The following THSD7B variants were observed in gnomAD, a reference collection of about 807,000 sequenced individuals.
THSD7B encodes thrombospondin type 1 domain containing 7B, also known as thrombospondin type-1 domain-containing protein 7B.
Under a neutral mutation model 213.6 loss-of-function variants are expected in THSD7B, and 138 were observed. That is an observed-to-expected ratio of 0.65 (90% CI 0.56 to 0.74). The LOEUF (loss-of-function observed/expected upper bound fraction) is 0.74. Among genes scored for constraint, THSD7B ranks in the 30% least tolerant of loss-of-function variants. The probability of loss-of-function intolerance (pLI) is 0.00; values close to 1 mark genes in which losing one functional copy is unlikely to be tolerated. For synonymous variants in THSD7B, 742 were observed against 687.0 expected, an observed-to-expected ratio of 1.08 and a Z score of -1.25; for missense variants, 1,931 against 1,991.5, an observed-to-expected ratio of 0.97 and a Z score of 0.58.
intron 15 of THSD7B, among the ~76,000 whole-genome samples, chr2:137,476,846 A>AT (rs1303658190): frequency 6.6e-6 from 1 of 152,122 alleles, no homozygotes; most frequent in Non-Finnish European, 1.5e-5. Context: ...AGCCATGATT[A>AT]TTACTTTTAT....
intron 27 of THSD7B, among the ~76,000 whole-genome samples, chr2:137,674,457 C>T (rs1206021436): frequency 6.6e-6 from 1 of 152,130 alleles, no homozygotes; most frequent in Non-Finnish European, 1.5e-5. Context: ...TTCAGATTGC[C>T]TCACCCTCTG....
chr2:136,964,509 C>A (rs533037290), intron 2 of THSD7B, among the ~76,000 whole-genome samples: 2 of 152,174 alleles, frequency 1.3e-5, no homozygotes, highest in African/African-American at 2.4e-5. Context: ...CAGAATTTGT[C>A]CCCCTTGACT....
chr2:137,616,964 T>C (rs767593031), intron 18 of THSD7B, among the ~76,000 whole-genome samples: 8 of 152,190 alleles, frequency 5.3e-5, no homozygotes, highest in Admixed American at 1.3e-4. Context: ...AGTCACAGCA[T>C]TGAATTCAAT....
chr2:136,806,937 T>A (rs369659404), intron 1 of THSD7B, among the ~76,000 whole-genome samples: 1 of 152,202 alleles, frequency 6.6e-6, no homozygotes, highest in Non-Finnish European at 1.5e-5. Context: ...TGCTCTTTAT[T>A]TGGGCTTTAC....
intron 12 of THSD7B, among the ~76,000 whole-genome samples, chr2:137,339,783 C>T (rs1293130403): frequency 6.6e-6 from 1 of 151,454 alleles, no homozygotes. Context: ...TTTCCCATTT[C>T]TGCCTGAACC....
chr2:137,004,348 A>ACACAC (rs1558883738), intron 2 of THSD7B, among the ~76,000 whole-genome samples: 3 of 105,826 alleles, frequency 2.8e-5, no homozygotes, highest in African/African-American at 6.9e-5. Context: ...CACACACACA[A>ACACAC]ACTTATTCCA....
chr2:137,167,702 C>A (rs1481697332), intron 6 of THSD7B, among the ~76,000 whole-genome samples: 3 of 152,092 alleles, frequency 2.0e-5, no homozygotes, highest in Non-Finnish European at 4.4e-5. Context: ...AATATTAATT[C>A]TTGGAGTCAT....
intron 4 of THSD7B, among the ~76,000 whole-genome samples, chr2:137,107,054 G>A (rs750270316): frequency 6.6e-6 from 1 of 152,194 alleles, no homozygotes; most frequent in Admixed American, 6.5e-5. Context: ...TATACCCTAA[G>A]GATTATAAAT....
intron 8 of THSD7B, 130 bp from the exon 9 acceptor site, chr2:137,232,769 C>T (rs1400005563): frequency 2.6e-6 from 2 of 768,088 alleles, no homozygotes; most frequent in Non-Finnish European, 4.2e-6. Flanking sequence ...CTGAGAAGAA[C>T]AGTGCAGTGG....
rs1876244 is a variant in THSD7B at position 136,917,392 on chromosome 2, C to G, written c.139+35075C>G. Among the ~76,000 whole-genome samples, 1,228 of 152,270 alleles carry G rather than the reference C, an allele frequency of 8.1e-3. 20 individuals are homozygous for G. The highest frequency in any genetic ancestry group is 0.028 in the African/African-American group (1,173 of 41,548). ...TTTAGCAGGAATGGATGGGGCTGAT[C>G]GTTGCATGGTTTAGTCTGCGGACTC... On this transcript the variant is annotated intron_variant, in intron 2 of 27. Coordinates refer to ENST00000409968, the MANE Select transcript of THSD7B (RefSeq NM_001316349.2).
At chr2:136,902,571 C>T (rs2115840) in intron 2 of THSD7B, among the ~76,000 whole-genome samples, 16,403 of 152,206 alleles carry the variant, frequency 0.11, 1,086 homozygotes, top group Middle Eastern at 0.17. Context: ...CTTCCACATG[C>T]GCCGAGGATA....
chr2:137,275,370 A>G (rs1682845902), intron 11 of THSD7B, among the ~76,000 whole-genome samples: 1 of 152,012 alleles, frequency 6.6e-6, no homozygotes, highest in African/African-American at 2.4e-5. Flanking sequence ...ACCTTATAAA[A>G]ATTTGAAGCA....
At chr2:137,003,280 G>A (rs909354438) in intron 2 of THSD7B, among the ~76,000 whole-genome samples, 10 of 152,154 alleles carry the variant, frequency 6.6e-5, no homozygotes, top group African/African-American at 2.4e-4. Context: ...AATCTTGAAA[G>A]GAGTTTAAAA....
intron 12 of THSD7B, among the ~76,000 whole-genome samples, chr2:137,306,545 T>G (rs978199873): frequency 2.0e-5 from 3 of 152,162 alleles, no homozygotes; most frequent in Admixed American, 2.0e-4. Flanking sequence ...CGTCATTTAT[T>G]GTGATAAGAT....
At chr2:136,974,821 G>T (rs970231055) in intron 2 of THSD7B, among the ~76,000 whole-genome samples, 2 of 152,140 alleles carry the variant, frequency 1.3e-5, no homozygotes, top group African/African-American at 4.8e-5. Context: ...CACCAACAGT[G>T]TAAAAGCGTT....
intron 12 of THSD7B, among the ~76,000 whole-genome samples, chr2:137,401,316 G>T (rs1044222897): frequency 6.6e-6 from 1 of 152,058 alleles, no homozygotes; most frequent in Non-Finnish European, 1.5e-5. Context: ...AATTTCCTTT[G>T]TGTGTTTGTT....
chr2:137,563,602 C>T (rs1220382962), intron 16 of THSD7B, among the ~76,000 whole-genome samples: 1 of 152,152 alleles, frequency 6.6e-6, no homozygotes, highest in Non-Finnish European at 1.5e-5. Context: ...CGAGAACCAC[C>T]TGCAATGGAG....
chr2:137,624,673 C>G (rs549588503), intron 20 of THSD7B, among the ~76,000 whole-genome samples: 83 of 152,296 alleles, frequency 5.4e-4, no homozygotes, highest in Non-Finnish European at 9.6e-4. Context: ...AGGATATGAA[C>G]AGACACTTCT....
At chr2:137,584,259 A>C (rs1046387724) in intron 17 of THSD7B, among the ~76,000 whole-genome samples, 6 of 152,224 alleles carry the variant, frequency 3.9e-5, no homozygotes, top group African/African-American at 1.4e-4. Context: ...TAGGTTTTCT[A>C]AATATACAAT....
Sources: allele counts gnomAD v4.1 joint callset (sites outside exome capture counted in the v4.1 genomes callset), GRCh38; gene constraint gnomAD v4.1.1; transcripts MANE v1.5; gene names NCBI Gene and HGNC (gene_info 2026-07-23, HGNC 2026-07-21).